The following MYOF variants were observed in gnomAD, a reference collection of about 807,000 sequenced individuals.
MYOF encodes the protein fer-1-like 3, myoferlin.
In MYOF, 244 loss-of-function variants were observed where a neutral mutation model predicts 284.2. The observed-to-expected ratio is 0.86, with a 90% CI of 0.77 to 0.95. MYOF has a LOEUF of 0.95. Among genes scored for constraint, MYOF ranks in the 40% least tolerant of loss-of-function variants. The probability of loss-of-function intolerance (pLI) is 0.00; values close to 1 mark genes in which losing one functional copy is unlikely to be tolerated. For missense variants in MYOF, 2,496 were observed against 2,560.6 expected (o/e 0.97, Z 0.54); for synonymous variants, 904 against 919.7 (o/e 0.98, Z 0.31).
chr10:93,309,593 G>T (rs1842295314), intron 53 of MYOF, among the ~76,000 whole-genome samples: 1 of 152,056 alleles, frequency 6.6e-6, no homozygotes, highest in African/African-American at 2.4e-5. Flanking sequence ...ATCTAGTTTG[G>T]GTGGAACACA....
intron 19 of MYOF, among the ~76,000 whole-genome samples, chr10:93,383,822 G>A (rs1846232886): frequency 6.6e-6 from 1 of 152,188 alleles, no homozygotes; most frequent in African/African-American, 2.4e-5. Flanking sequence ...GACTGCACAG[G>A]ATGGAGAAGG....
rs753356801 is a variant in MYOF at position 93,431,519 on chromosome 10, G to A, written c.237-3C>T. The A allele has an allele frequency of 1.9e-6, 3 of 1,612,690 alleles. No individual in the cohort carries two copies. Among genetic ancestry groups the A allele is most frequent in the Non-Finnish European group, 2.5e-6 (3 of 1,179,014 alleles). On this transcript the variant is annotated splice_polypyrimidine_tract_variant and splice_region_variant and intron_variant, in intron 3 of 53. Coordinates refer to ENST00000359263, the MANE Select transcript of MYOF (RefSeq NM_013451.4). ...CTACAGTCGCCGTGCCAATTAATCTGCAGGGAAAACAGGAAAGCACATAGC... is the reference window on the plus strand; with the variant it reads ...CTACAGTCGCCGTGCCAATTAATCTACAGGGAAAACAGGAAAGCACATAGC...
chr10:93,413,827 C>CA (rs1051044276), intron 5 of MYOF, among the ~76,000 whole-genome samples: 1 of 151,370 alleles, frequency 6.6e-6, no homozygotes, highest in Non-Finnish European at 1.5e-5. Flanking sequence ...CCCATCTCTA[C>CA]AAAAAAAATT....
intron 22 of MYOF, among the ~76,000 whole-genome samples, chr10:93,375,283 T>TC (rs1845786036): frequency 6.6e-6 from 1 of 152,240 alleles, no homozygotes; most frequent in South Asian, 2.1e-4. Context: ...GGCTTTCCCT[T>TC]CTTTTGCTTC....
intron 42 of MYOF, 114 bp from the exon 43 acceptor site, chr10:93,333,426 C>T (rs545340213): frequency 3.0e-4 from 277 of 919,482 alleles, no homozygotes; most frequent in Non-Finnish European, 4.4e-4. Context: ...ACAAGGTGGC[C>T]GCCATGGCAC....
chr10:93,316,803 C>T lies in MYOF; in HGVS notation c.5609G>A (p.Trp1870Ter), dbSNP rs776220573. The T allele has an allele frequency of 1.2e-6, 2 of 1,612,948 alleles. No homozygotes were observed. The highest frequency in any genetic ancestry group is 1.7e-6 in the Non-Finnish European group (2 of 1,179,094). ...TCGAAATTCCGTTTGGTCAATACTC[C>T]AGAAATGCTCCTAAAACAAAAAGAA... ...LCIVAKKEHF[W>*]SIDQTEFRIP... The change falls in exon 50 of 54, where the codon TGG (tryptophan) becomes TAG (stop). Residue 1870 changes from tryptophan to a stop codon, truncating the protein, a stop_gained. Coordinates refer to ENST00000359263, the MANE Select transcript of MYOF (RefSeq NM_013451.4). LOFTEE classifies it high-confidence loss of function.
chr10:93,323,863 A>AAAAT (rs1842938097), intron 46 of MYOF, among the ~76,000 whole-genome samples: 1 of 152,262 alleles, frequency 6.6e-6, no homozygotes, highest in South Asian at 2.1e-4. Context: ...TACTTACCTC[A>AAAAT]AAATATAAAA....
In MYOF at chr10:93,397,448, T is replaced by C. The variant is rs1324979025; in HGVS notation, c.1230A>G (p.Thr410=). The change falls in exon 14 of 54, where the codon ACA becomes ACG. Residue 410 remains threonine (T), a synonymous_variant. Coordinates refer to ENST00000359263, the MANE Select transcript of MYOF (RefSeq NM_013451.4). ...GGTTTGCATTTTTCTCAATTATGTT[T>C]GTACAAACCTGTAAAATCACCAAAG... ...EVSFAGKKVC[T]NIIEKNANPE... 1 of 1,604,846 alleles carries C rather than the reference T, an allele frequency of 6.2e-7. No individual in the cohort carries two copies. Among genetic ancestry groups the C allele is most frequent in the African/African-American group, 1.3e-5 (1 of 74,116 alleles).
At chr10:93,400,519 T>C (rs1847232533) in intron 12 of MYOF, among the ~76,000 whole-genome samples, 1 of 151,984 alleles carries the variant, frequency 6.6e-6, no homozygotes, top group Non-Finnish European at 1.5e-5. Flanking sequence ...TACAATACTA[T>C]CTTTTAAGAC....
intron 2 of MYOF, among the ~76,000 whole-genome samples, chr10:93,454,037 C>G (rs905914895): frequency 6.6e-6 from 1 of 152,088 alleles, no homozygotes; most frequent in African/African-American, 2.4e-5. Context: ...ACAAAATTAG[C>G]CAGGCGTAGT....
At chr10:93,338,040 G>C in intron 39 of MYOF, 127 bp from the exon 40 acceptor site, 1 of 714,642 alleles carries the variant, frequency 1.4e-6, no homozygotes, top group Non-Finnish European at 2.4e-6. Context: ...GAGATTATAT[G>C]ACTTTTGTTT....
intron 46 of MYOF, among the ~76,000 whole-genome samples, chr10:93,324,025 C>T (rs1589386902): frequency 6.6e-6 from 1 of 152,162 alleles, no homozygotes; most frequent in East Asian, 1.9e-4. Flanking sequence ...TGCCCACCAC[C>T]AGGTAAGTGG....
At chr10:93,319,822 TAAGG>T in intron 49 of MYOF, 46 bp downstream of exon 49, 1 of 1,610,890 alleles carries the variant, frequency 6.2e-7, no homozygotes, top group Non-Finnish European at 8.5e-7. Context: ...GCTTCTGAGT[TAAGG>T]AAGATCCATG....
chr10:93,364,208 C>G (rs1330513760), intron 26 of MYOF, 133 bp from the exon 27 acceptor site: 1 of 669,378 alleles, frequency 1.5e-6, no homozygotes, highest in Non-Finnish European at 2.6e-6. Flanking sequence ...CCTGTTGGTT[C>G]TGACTCCAAA....
chr10:93,424,896 A>C (rs1022321661), intron 5 of MYOF, among the ~76,000 whole-genome samples: 1 of 148,894 alleles, frequency 6.7e-6, no homozygotes, highest in Admixed American at 6.7e-5. Context: ...CTCAGCAACA[A>C]GTGCAGGACT....
rs921920904 is a variant in MYOF, at chr10:93,359,925, C to T, written c.3028G>A (p.Ala1010Thr). 1 of 1,614,186 alleles carries T rather than the reference C, an allele frequency of 6.2e-7. No individual in the cohort carries two copies. The highest frequency in any genetic ancestry group is 1.7e-5 in the Admixed American group (1 of 60,026). Residue 1010 changes from alanine (A) to threonine (T), a missense_variant, in exon 29 of 54, where the codon GCA becomes ACA. Ala to Thr is a moderately conservative substitution (Grantham distance 58). Transcript: ENST00000359263. Reference sequence around the variant, plus strand: ...TGAGTGTGGTACATTTTCTCTGCTGCAACCCAGGATTTGGGCTTATGATCA... The same window carrying T: ...TGAGTGTGGTACATTTTCTCTGCTGTAACCCAGGATTTGGGCTTATGATCA... ...PPDHKPKSWV[A>T]AEKMYHTHRR...
chr10:93,439,473 T>C (rs2056178821), intron 3 of MYOF, among the ~76,000 whole-genome samples: 1 of 152,148 alleles, frequency 6.6e-6, no homozygotes, highest in Non-Finnish European at 1.5e-5. Flanking sequence ...AGAATCAAAG[T>C]AGTAGTTTTT....
intron 5 of MYOF, among the ~76,000 whole-genome samples, chr10:93,410,425 GCTACCTCCTGAATATTTGCAGATCCTA>G (rs1372389768): frequency 9.2e-5 from 14 of 152,146 alleles, no homozygotes; most frequent in Admixed American, 2.6e-4. Flanking sequence ...ATTAGATCCT[GCTACCTCCTGAATATTTGCAGATCCTA>G]CTACCTCCTG....
chr10:93,358,623 A>G (rs772836496), intron 29 of MYOF, among the ~76,000 whole-genome samples: 5 of 152,158 alleles, frequency 3.3e-5, no homozygotes, highest in East Asian at 1.9e-4. Context: ...GCAGCCATAA[A>G]AAGGAACGAG....
Sources: allele counts gnomAD v4.1 joint callset (sites outside exome capture counted in the v4.1 genomes callset), GRCh38; gene constraint gnomAD v4.1.1; transcripts MANE v1.5; gene names NCBI Gene and HGNC (gene_info 2026-07-23, HGNC 2026-07-21).